Variants in EPM2A observed in about 807,000 individuals in gnomAD.
EPM2A encodes the protein laforin.
Under a neutral mutation model 26.5 loss-of-function variants are expected in EPM2A, and 21 were observed. That is an observed-to-expected ratio of 0.79 (90% CI 0.56 to 1.14). EPM2A has a LOEUF of 1.14. Ranked by LOEUF, EPM2A falls within the 50% of genes most tolerant of loss-of-function variation. The probability of loss-of-function intolerance (pLI) is 0.00; values close to 1 mark genes in which losing one functional copy is unlikely to be tolerated. For synonymous variants in EPM2A, 217 were observed against 177.6 expected (o/e 1.22, Z -1.76); for missense variants, 458 against 440.8 (o/e 1.04, Z -0.35).
At chr6:145,464,246 T>C (rs572952112) in intron 4 of EPM2A, among the ~76,000 whole-genome samples, 1 of 152,152 alleles carries the variant, frequency 6.6e-6, no homozygotes, top group African/African-American at 2.4e-5. Context: ...CTTGCCACCA[T>C]GTAAGACATG....
intron 2 of EPM2A, among the ~76,000 whole-genome samples, chr6:145,615,644 T>G (rs967335330): frequency 2.0e-5 from 3 of 151,932 alleles, no homozygotes; most frequent in Admixed American, 6.6e-5. Context: ...CCTAGAGACT[T>G]GTTGAATGGC....
intron 2 of EPM2A, among the ~76,000 whole-genome samples, chr6:145,519,147 G>A (rs1403851726): frequency 2.6e-5 from 4 of 152,142 alleles, no homozygotes; most frequent in African/African-American, 7.2e-5. Flanking sequence ...TATTTAAGCA[G>A]TTGTCTCCTA....
chr6:145,538,179 C>T (rs1303698587), intron 2 of EPM2A, among the ~76,000 whole-genome samples: 1 of 152,114 alleles, frequency 6.6e-6, no homozygotes, highest in Non-Finnish European at 1.5e-5. Flanking sequence ...GGAATCACCA[C>T]ACTGTCTTCC....
At chr6:145,637,642 T>C (rs992057942) in intron 2 of EPM2A, 13 of 152,224 alleles carry the variant, frequency 8.5e-5, no homozygotes, top group African/African-American at 3.1e-4. Flanking sequence ...CTTCATCTTA[T>C]CCCTGGATCC....
chr6:145,514,705 T>C (rs1213928248), intron 2 of EPM2A, among the ~76,000 whole-genome samples: 1 of 152,182 alleles, frequency 6.6e-6, no homozygotes, highest in Non-Finnish European at 1.5e-5. Context: ...TTCTCATAAC[T>C]AAGAAGAACT....
At chr6:145,423,986 C>T (rs1226751106) in intron 4 of EPM2A, among the ~76,000 whole-genome samples, 1 of 152,152 alleles carries the variant, frequency 6.6e-6, no homozygotes, top group African/African-American at 2.4e-5. Context: ...TGAGATGAAG[C>T]CAATGGGGCC....
intron 4 of EPM2A, among the ~76,000 whole-genome samples, chr6:145,396,824 C>T (rs527910715): frequency 2.6e-5 from 4 of 152,296 alleles, no homozygotes; most frequent in African/African-American, 9.6e-5. Context: ...AAACAAGTCA[C>T]AGCTATGGTG....
chr6:145,410,403 T>C (rs959625755), intron 4 of EPM2A, among the ~76,000 whole-genome samples: 3 of 152,174 alleles, frequency 2.0e-5, no homozygotes, highest in Non-Finnish European at 4.4e-5. Context: ...TGGAGCCCTA[T>C]TGGGAATTAG....
chr6:145,554,407 A>G (rs1260816456), intron 2 of EPM2A, among the ~76,000 whole-genome samples: 1 of 149,160 alleles, frequency 6.7e-6, no homozygotes, highest in Non-Finnish European at 1.5e-5. Context: ...GATAGATAAT[A>G]GAGAGATAGA....
Position 145,475,134 on chromosome 6 carries a change from A to T in EPM2A, c.555+27388T>A, listed in dbSNP as rs189217416. On this transcript the variant is annotated intron_variant, in intron 4 of 4. Transcript: ENST00000638717. Reference sequence around the variant, plus strand: ...CCATTACTGGGTATATACCCAAAGGATTATAAATCATTCTACTATAAAGAC... The same window carrying T: ...CCATTACTGGGTATATACCCAAAGGTTTATAAATCATTCTACTATAAAGAC... Among the ~76,000 whole-genome samples the T allele has an allele frequency of 1.8e-3, 274 of 152,314 alleles. 1 individual carries two copies. Among genetic ancestry groups the T allele is most frequent in the African/African-American group, 5.4e-3 (226 of 41,566 alleles).
At chr6:145,469,724 G>GT (rs1779448565) in intron 4 of EPM2A, among the ~76,000 whole-genome samples, 1 of 152,118 alleles carries the variant, frequency 6.6e-6, no homozygotes, top group Non-Finnish European at 1.5e-5. Context: ...TCATTCCTAT[G>GT]TTTACTGCAG....
intron 2 of EPM2A, among the ~76,000 whole-genome samples, chr6:145,618,701 G>A (rs749420037): frequency 6.6e-6 from 1 of 152,238 alleles, no homozygotes; most frequent in East Asian, 1.9e-4. Context: ...GCTAAACTGT[G>A]AGTCAATTAA....
chr6:145,658,346 C>T (rs1037890256), intron 2 of EPM2A, among the ~76,000 whole-genome samples: 19 of 152,150 alleles, frequency 1.2e-4, no homozygotes, highest in Non-Finnish European at 2.6e-4. Context: ...GGATCTGTAG[C>T]TTGAATTTAC....
At chr6:145,456,405 A>C (rs1213032154) in intron 4 of EPM2A, among the ~76,000 whole-genome samples, 1 of 152,160 alleles carries the variant, frequency 6.6e-6, no homozygotes, top group African/African-American at 2.4e-5. Flanking sequence ...AAGCATTTGC[A>C]CTCCTTAGAA....
At chr6:145,717,601 T>A (rs917448068) in intron 1 of EPM2A, among the ~76,000 whole-genome samples, 45 of 152,182 alleles carry the variant, frequency 3.0e-4, no homozygotes, top group African/African-American at 1.1e-3. Flanking sequence ...CAACATAGTG[T>A]TGGAAGTTCT....
rs779211684 is a variant in EPM2A at position 145,686,316 on chromosome 6, T to C, written c.302-20A>G. 1.9e-6 allele frequency: 3 copies of C among 1,601,588 alleles called. No individual in the cohort carries two copies. Among genetic ancestry groups the C allele is most frequent in the Non-Finnish European group, 2.6e-6 (3 of 1,169,056 alleles). On this transcript the variant is annotated intron_variant, in intron 1 of 3. Transcript: ENST00000367519. ...CATTGCCTAGAACAAGAAAAAATGATAAACAGAGCAATTAAATCAGTGTTT... is the reference window on the plus strand; with the variant it reads ...CATTGCCTAGAACAAGAAAAAATGACAAACAGAGCAATTAAATCAGTGTTT...
In EPM2A at chr6:145,444,445, C is replaced by T. The variant is rs114731661; in HGVS notation, c.555+58077G>A. Among the ~76,000 whole-genome samples the T allele has an allele frequency of 5.6e-3, 850 of 152,272 alleles. 9 individuals are homozygous for T. The highest frequency in any genetic ancestry group is 0.019 in the African/African-American group (808 of 41,554). ...CCAACCTTGCATACTGGGGATAAAGCCTACTTGACCATGGTTGATGTGCTG... is the reference window on the plus strand; with the variant it reads ...CCAACCTTGCATACTGGGGATAAAGTCTACTTGACCATGGTTGATGTGCTG... On this transcript the variant is annotated intron_variant, in intron 4 of 4. Coordinates refer to the EPM2A transcript ENST00000638717.
At chr6:145,391,667 C>G (rs572137598) in intron 4 of EPM2A, among the ~76,000 whole-genome samples, 1 of 152,152 alleles carries the variant, frequency 6.6e-6, no homozygotes, top group Non-Finnish European at 1.5e-5. Flanking sequence ...CCCATACCCC[C>G]GCTTGAGAAA....
At chr6:145,425,465 A>G (rs2114687416) in intron 4 of EPM2A, among the ~76,000 whole-genome samples, 1 of 152,142 alleles carries the variant, frequency 6.6e-6, no homozygotes, top group East Asian at 1.9e-4. Flanking sequence ...CTGAGTCACC[A>G]TGCCTGGCTA....
Sources: allele counts gnomAD v4.1 joint callset (sites outside exome capture counted in the v4.1 genomes callset), GRCh38; gene constraint gnomAD v4.1.1; transcripts MANE v1.5; gene names NCBI Gene and HGNC (gene_info 2026-07-23, HGNC 2026-07-21).